SOX5: variants seen among roughly 807,000 people sequenced by gnomAD.
SOX5 encodes SRY-box transcription factor 5.
Under a neutral mutation model 92.0 loss-of-function variants are expected in SOX5, and 9 were observed. The ratio of observed to expected loss-of-function variants is 0.10; its 90% confidence interval spans 0.06 to 0.17. SOX5 has a LOEUF of 0.17. Among genes scored for constraint, SOX5 ranks in the 10% least tolerant of loss-of-function variants. SOX5 has a pLI of 1.00. For synonymous variants in SOX5, 344 were observed against 336.3 expected (o/e 1.02, Z -0.25); for missense variants, 642 against 944.5 (o/e 0.68, Z 4.20).
intron 2 of SOX5, among the ~76,000 whole-genome samples, chr12:24,325,426 A>G (rs1950585109): frequency 6.6e-6 from 1 of 152,192 alleles, no homozygotes; most frequent in Non-Finnish European, 1.5e-5. Context: ...AGATAGTTGC[A>G]TAAAGAAAAT....
chr12:23,652,940 A>T (rs764936392), intron 7 of SOX5, among the ~76,000 whole-genome samples: 21 of 151,978 alleles, frequency 1.4e-4, no homozygotes, highest in Non-Finnish European at 3.1e-4. Context: ...AGGGGCTGAA[A>T]ATGTAACAGG....
intron 1 of SOX5, among the ~76,000 whole-genome samples, chr12:24,379,765 G>T (rs1957629704): frequency 6.7e-6 from 1 of 149,346 alleles, no homozygotes; most frequent in Non-Finnish European, 1.5e-5. Context: ...TGCCTTCCTT[G>T]TATTCCTTTA....
chr12:23,598,099 T>C (rs1205895405), intron 9 of SOX5, among the ~76,000 whole-genome samples: 1 of 152,130 alleles, frequency 6.6e-6, no homozygotes, highest in Non-Finnish European at 1.5e-5. Context: ...CACAGACCAG[T>C]TTTAGCCCTG....
At chr12:23,854,988 A>G (rs1235404762) in intron 2 of SOX5, among the ~76,000 whole-genome samples, 1 of 152,080 alleles carries the variant, frequency 6.6e-6, no homozygotes, top group Non-Finnish European at 1.5e-5. Context: ...AGTGTTTGTT[A>G]AAATAAGTGT....
chr12:24,473,770 T>C (rs1337944771), intron 1 of SOX5, among the ~76,000 whole-genome samples: 1 of 152,182 alleles, frequency 6.6e-6, no homozygotes, highest in South Asian at 2.1e-4. Flanking sequence ...TCTCTAGTCC[T>C]TATCCAATAC....
In SOX5 at chr12:23,536,663, C is replaced by A. The variant is rs1940536576; in HGVS notation, c.1778G>T (p.Arg593Leu). 2 of 1,613,182 alleles carry A rather than the reference C, an allele frequency of 1.2e-6. No individual in the cohort carries two copies. Among genetic ancestry groups the A allele is most frequent in the Non-Finnish European group, 8.5e-7 (1 of 1,179,218 alleles). The change falls in exon 14 of 15, where the codon CGC (arginine) becomes CTC (leucine). Residue 593 changes from arginine to leucine, a missense_variant. Arg to Leu is a moderately radical substitution (Grantham distance 102). Coordinates refer to ENST00000451604, the MANE Select transcript of SOX5 (RefSeq NM_006940.6). ...CTCTAGGTTTGTCATAGCTTTCCAG[C>A]GAGATCCTATGAAGAAAGGAGGTTA... ...NSNISKILGS[R>L]WKAMTNLEKQ... is the part of the protein sequence containing the mutation.
At chr12:23,915,431 A>G (rs2138587027) in intron 1 of SOX5, among the ~76,000 whole-genome samples, 1 of 152,252 alleles carries the variant, frequency 6.6e-6, no homozygotes, top group East Asian at 1.9e-4. Flanking sequence ...TTACTTCTGA[A>G]TTTAAAAAAT....
At chr12:24,371,999 A>AG (rs1461040013) in intron 1 of SOX5, among the ~76,000 whole-genome samples, 34 of 151,508 alleles carry the variant, frequency 2.2e-4, no homozygotes, top group African/African-American at 6.8e-4. Flanking sequence ...AAAAAAAAAA[A>AG]AGAGAGAGAG....
At chr12:23,815,433 C>T (rs957640102) in intron 3 of SOX5, among the ~76,000 whole-genome samples, 11 of 152,086 alleles carry the variant, frequency 7.2e-5, no homozygotes, top group African/African-American at 2.2e-4. Flanking sequence ...CACAGAACAC[C>T]TAATCAACAC....
intron 1 of SOX5, among the ~76,000 whole-genome samples, chr12:24,407,759 A>G (rs1963287286): frequency 6.6e-6 from 1 of 152,224 alleles, no homozygotes; most frequent in Non-Finnish European, 1.5e-5. Context: ...ATACGGAGTG[A>G]TCAGCAGAAG....
chr12:24,261,220 T>G (rs1942037587), intron 3 of SOX5, among the ~76,000 whole-genome samples: 1 of 152,192 alleles, frequency 6.6e-6, no homozygotes, highest in African/African-American at 2.4e-5. Flanking sequence ...TCTCTTTTCA[T>G]ACTTTCATTA....
intron 4 of SOX5, among the ~76,000 whole-genome samples, chr12:24,037,914 A>G (rs1956197490): frequency 6.6e-6 from 1 of 152,148 alleles, no homozygotes; most frequent in Admixed American, 6.6e-5. Context: ...CAGAACACTG[A>G]TGAAGATAGT....
intron 1 of SOX5, among the ~76,000 whole-genome samples, chr12:23,901,513 G>A (rs935066884): frequency 5.9e-5 from 9 of 152,090 alleles, no homozygotes; most frequent in Admixed American, 1.3e-4. Context: ...TAGACATAAC[G>A]CTTGCCTTCT....
intron 10 of SOX5, among the ~76,000 whole-genome samples, chr12:23,568,928 C>G (rs2136481500): frequency 6.6e-6 from 1 of 150,664 alleles, no homozygotes; most frequent in East Asian, 1.9e-4. Context: ...GTGGCACATG[C>G]CTCTAATCCC....
chr12:24,061,348 A>G (rs1484770800), intron 4 of SOX5, among the ~76,000 whole-genome samples: 1 of 152,066 alleles, frequency 6.6e-6, no homozygotes, highest in Non-Finnish European at 1.5e-5. Flanking sequence ...AGTCCCAATT[A>G]GCTTCTCTGG....
chr12:24,310,134 C>T (rs1400794011), intron 2 of SOX5, among the ~76,000 whole-genome samples: 5 of 152,040 alleles, frequency 3.3e-5, no homozygotes, highest in Non-Finnish European at 5.9e-5. Context: ...ATTTACATGT[C>T]GTAAATAGTT....
intron 2 of SOX5, among the ~76,000 whole-genome samples, chr12:24,340,111 C>T (rs903855490): frequency 1.3e-5 from 2 of 152,226 alleles, no homozygotes; most frequent in African/African-American, 4.8e-5. Flanking sequence ...CAGAGGCTCC[C>T]AAGAGCATCT....
chr12:23,723,540 A>C (rs2092937921), intron 6 of SOX5, among the ~76,000 whole-genome samples: 1 of 149,804 alleles, frequency 6.7e-6, no homozygotes, highest in South Asian at 2.1e-4. Context: ...ATTCAGAACT[A>C]AACGGTGGTA....
At chr12:24,521,484 T>G (rs1018366001) in intron 1 of SOX5, among the ~76,000 whole-genome samples, 3 of 152,242 alleles carry the variant, frequency 2.0e-5, no homozygotes, top group African/African-American at 7.2e-5. Flanking sequence ...GACGGAACTT[T>G]CTACCCAAAG....
Sources: allele counts gnomAD v4.1 joint callset (sites outside exome capture counted in the v4.1 genomes callset), GRCh38; gene constraint gnomAD v4.1.1; transcripts MANE v1.5; gene names NCBI Gene and HGNC (gene_info 2026-07-23, HGNC 2026-07-21).